The following ZNF680 variants were observed in gnomAD, a reference collection of about 807,000 sequenced individuals.
The protein encoded by ZNF680 is zinc finger protein 680, also known as hypothetical protein FLJ90430.
ZNF680 carries 6 observed loss-of-function variants against 12.1 expected under a neutral mutation model. That is an observed-to-expected ratio of 0.49 (90% CI 0.27 to 0.98). The LOEUF (loss-of-function observed/expected upper bound fraction) is 0.98. Ranked by LOEUF, ZNF680 falls within the 50% of genes least tolerant of loss-of-function variation. ZNF680 has a pLI of 0.12. For missense variants in ZNF680, 561 were observed against 616.3 expected, an observed-to-expected ratio of 0.91 and a Z score of 0.95; for synonymous variants, 170 against 199.3, an observed-to-expected ratio of 0.85 and a Z score of 1.24.
the ZNF680 span, among the ~76,000 whole-genome samples, chr7:64,512,099 CATAA>C: frequency 6.6e-6 from 1 of 151,276 alleles, no homozygotes; most frequent in South Asian, 2.1e-4. Flanking sequence ...ATATCCAAGC[CATAA>C]ATATATTTTA....
At chr7:64,501,513 A>T in the ZNF680 span, 2,315 of 786,200 alleles carry the variant, frequency 2.9e-3, 35 homozygotes, top group African/African-American at 0.035. Context: ...GAAGAACGGT[A>T]AGTGAGAAGA....
downstream of ZNF680, among the ~76,000 whole-genome samples, chr7:64,516,636 G>A (rs1584339199): frequency 6.6e-6 from 1 of 152,142 alleles, no homozygotes; most frequent in Non-Finnish European, 1.5e-5. Context: ...GCTGTTTACA[G>A]AACATTCTAG....
chr7:64,561,669 T>C (rs1034832594), intron 1 of ZNF680, among the ~76,000 whole-genome samples: 1 of 152,178 alleles, frequency 6.6e-6, no homozygotes, highest in Non-Finnish European at 1.5e-5. Flanking sequence ...GCGCGGTGGC[T>C]GACGCCTGTA....
rs540149088 is a variant in ZNF680 at position 64,546,692 on chromosome 7, G to A, written c.31-2260C>T. Among the ~76,000 whole-genome samples the A allele has an allele frequency of 1.2e-4, 18 of 152,248 alleles. 1 individual carries two copies. The South Asian group carries it at 3.5e-3, about 30-fold the overall frequency. On this transcript the variant is annotated intron_variant, in intron 1 of 3. Transcript: ENST00000309683. ...TGGAAGGCAGAGGTTGCAGTGAGCCGAGATAGCACCACTGCACTCCAGTTT... is the reference window on the plus strand; with the variant it reads ...TGGAAGGCAGAGGTTGCAGTGAGCCAAGATAGCACCACTGCACTCCAGTTT...
chr7:64,544,119 G>A, intron 2 of ZNF680, 187 bp downstream of exon 2: 1 of 795,916 alleles, frequency 1.3e-6, no homozygotes, highest in Non-Finnish European at 1.9e-6. Flanking sequence ...CAGGAATGTG[G>A]AAAGTTCAGG....
chr7:64,537,587 A>C (rs1323926170), intron 3 of ZNF680, among the ~76,000 whole-genome samples: 2 of 152,190 alleles, frequency 1.3e-5, no homozygotes, highest in Non-Finnish European at 2.9e-5. Flanking sequence ...AAGCTACAAC[A>C]GCAAAAACAA....
intron 3 of ZNF680, chr7:64,526,251 C>G (rs1234475358): frequency 8.9e-7 from 1 of 1,121,440 alleles, no homozygotes; most frequent in Non-Finnish European, 1.1e-6. Context: ...AAGAACTTCC[C>G]AAATTTTGAT....
chr7:64,499,981 C>A, the ZNF680 span, among the ~76,000 whole-genome samples: 1 of 152,176 alleles, frequency 6.6e-6, no homozygotes, highest in South Asian at 2.1e-4. Flanking sequence ...ACTCTCCCTC[C>A]CAGATAAGCA....
At chr7:64,556,614 A>G (rs976489621) in intron 1 of ZNF680, among the ~76,000 whole-genome samples, 5 of 142,964 alleles carry the variant, frequency 3.5e-5, no homozygotes, top group African/African-American at 1.3e-4. Flanking sequence ...TCCTTACACC[A>G]TATAAAAAAA....
chr7:64,553,796 G>A (rs919337508), intron 1 of ZNF680, among the ~76,000 whole-genome samples: 2 of 152,140 alleles, frequency 1.3e-5, no homozygotes, highest in Admixed American at 6.5e-5. Flanking sequence ...TGTGTTGGCC[G>A]GGCTGGTCTC....
the ZNF680 span, chr7:64,501,440 T>C: frequency 2.0e-6 from 2 of 991,360 alleles, no homozygotes; most frequent in South Asian, 2.5e-5. Flanking sequence ...AAACAAAAGG[T>C]GGATTCACCC....
chr7:64,539,621 C>A (rs1157926314), intron 3 of ZNF680, among the ~76,000 whole-genome samples: 5 of 152,036 alleles, frequency 3.3e-5, no homozygotes, highest in Non-Finnish European at 5.9e-5. Flanking sequence ...AGTATTTTGC[C>A]TAACAGTGTG....
chr7:64,507,184 GAC>G, the ZNF680 span, among the ~76,000 whole-genome samples: 1 of 152,082 alleles, frequency 6.6e-6, no homozygotes. Flanking sequence ...AAATAAGCCA[GAC>G]ACAGAAAAAC....
intron 3 of ZNF680, among the ~76,000 whole-genome samples, chr7:64,540,191 A>G (rs1786423315): frequency 6.6e-6 from 1 of 152,188 alleles, no homozygotes; most frequent in South Asian, 2.1e-4. Context: ...ATTGAAAATC[A>G]GCTAAGAAAG....
Position 64,555,357 on chromosome 7 carries a change from C to A in ZNF680, c.30+7568G>T, listed in dbSNP as rs1437840769. On this transcript the variant is annotated intron_variant, in intron 1 of 3. Transcript: ENST00000309683. ...TATAATTCAATACCAAAAAAAAAAACACTTGAAGTGATACAAATACATGGA... is the reference window on the plus strand; with the variant it reads ...TATAATTCAATACCAAAAAAAAAAAAACTTGAAGTGATACAAATACATGGA... Among the ~76,000 whole-genome samples the A allele has an allele frequency of 6.8e-5, 9 of 132,394 alleles. No homozygotes were observed. In the South Asian group the frequency reaches 1.1e-3, roughly 17 times the overall value. 86.9% of individuals were successfully genotyped at this position (132,394 alleles called of 152,430 possible).
downstream of ZNF680, among the ~76,000 whole-genome samples, chr7:64,516,119 A>C (rs1791349647): frequency 6.6e-6 from 1 of 152,186 alleles, no homozygotes. Context: ...CCAGCCTCAC[A>C]GGGGGAACTC....
intron 3 of ZNF680, among the ~76,000 whole-genome samples, chr7:64,534,480 A>G (rs973427562): frequency 3.3e-5 from 5 of 152,214 alleles, no homozygotes; most frequent in African/African-American, 1.2e-4. Context: ...TTACTTTTGC[A>G]AGAATGATCA....
At chr7:64,531,084 T>G (rs111997876) in intron 3 of ZNF680, among the ~76,000 whole-genome samples, 1 of 151,746 alleles carries the variant, frequency 6.6e-6, no homozygotes, top group African/African-American at 2.4e-5. Context: ...AGACAGAAAA[T>G]TAACAAAGAA....
chr7:64,535,335 A>G (rs1786103302), intron 3 of ZNF680, among the ~76,000 whole-genome samples: 1 of 151,342 alleles, frequency 6.6e-6, no homozygotes, highest in African/African-American at 2.4e-5. Context: ...CGCCACTGCA[A>G]ACCAGCCTGG....
Sources: allele counts gnomAD v4.1 joint callset (sites outside exome capture counted in the v4.1 genomes callset), GRCh38; gene constraint gnomAD v4.1.1; transcripts MANE v1.5; gene names NCBI Gene and HGNC (gene_info 2026-07-23, HGNC 2026-07-21).